Variants in GALNT17 observed in about 807,000 individuals in gnomAD.
GALNT17 encodes UDP-GalNAc:polypeptide N-acetylgalactosaminyltransferase-like 3.
GALNT17 carries 29 observed loss-of-function variants against 63.7 expected under a neutral mutation model. The observed-to-expected ratio is 0.46, with a 90% confidence interval of 0.34 to 0.62. The LOEUF (loss-of-function observed/expected upper bound fraction) is 0.62, where lower values mean the gene tolerates loss of function less well. Among genes scored for constraint, GALNT17 ranks in the 20% least tolerant of loss-of-function variants. The pLI is 0.01. For synonymous variants in GALNT17, 305 were observed against 318.3 expected (o/e 0.96, Z 0.45); for missense variants, 603 against 799.6 (o/e 0.75, Z 2.97).
intron 1 of GALNT17, among the ~76,000 whole-genome samples, chr7:71,302,834 G>A (rs1198734755): frequency 6.6e-6 from 1 of 152,104 alleles, no homozygotes; most frequent in Non-Finnish European, 1.5e-5. Flanking sequence ...TACTATGATA[G>A]CTTCAGTGGA....
chr7:71,606,666 G>T (rs1211443607), intron 6 of GALNT17, among the ~76,000 whole-genome samples: 1 of 152,154 alleles, frequency 6.6e-6, no homozygotes, highest in Admixed American at 6.5e-5. Context: ...GGCCTGTGAT[G>T]AGTGAATATT....
At chr7:71,548,180 T>C (rs991567444) in intron 5 of GALNT17, among the ~76,000 whole-genome samples, 10 of 151,170 alleles carry the variant, frequency 6.6e-5, no homozygotes. Context: ...AGGTAGAGGT[T>C]GCAATGAGCC....
At chr7:71,447,468 C>T (rs1787181153) in intron 5 of GALNT17, among the ~76,000 whole-genome samples, 1 of 151,870 alleles carries the variant, frequency 6.6e-6, no homozygotes, top group African/African-American at 2.4e-5. Context: ...ATAGAATGCT[C>T]AGTTGGTAAG....
At chr7:71,562,497 G>C (rs1188605656) in intron 5 of GALNT17, among the ~76,000 whole-genome samples, 1 of 152,184 alleles carries the variant, frequency 6.6e-6, no homozygotes. Flanking sequence ...GGGGTGATGG[G>C]AGACGGTGAC....
chr7:71,194,225 T>A (rs541203488), intron 1 of GALNT17, among the ~76,000 whole-genome samples: 258 of 152,236 alleles, frequency 1.7e-3, no homozygotes, highest in Admixed American at 4.3e-3. Flanking sequence ...CAAGCAGATA[T>A]GATGTCCATG....
chr7:71,474,505 T>G (rs1278485011), intron 5 of GALNT17, among the ~76,000 whole-genome samples: 2 of 152,128 alleles, frequency 1.3e-5, no homozygotes, highest in African/African-American at 4.8e-5. Flanking sequence ...ATCAGTAAAG[T>G]CTAACATCCA....
At chr7:71,186,009 G>A (rs920024811) in intron 1 of GALNT17, among the ~76,000 whole-genome samples, 2 of 152,092 alleles carry the variant, frequency 1.3e-5, no homozygotes, top group Non-Finnish European at 2.9e-5. Flanking sequence ...ATTCCTTTAT[G>A]CCCTCTGAAT....
At chr7:71,366,266 C>T (rs1250645138) in intron 2 of GALNT17, among the ~76,000 whole-genome samples, 3 of 151,918 alleles carry the variant, frequency 2.0e-5, no homozygotes, top group Non-Finnish European at 2.9e-5. Flanking sequence ...GGGTTGGGGA[C>T]CTGTGATCTA....
At chr7:71,381,742 G>A (rs761399627) in intron 2 of GALNT17, among the ~76,000 whole-genome samples, 12 of 152,128 alleles carry the variant, frequency 7.9e-5, no homozygotes, top group African/African-American at 2.7e-4. Context: ...TCATGCCATG[G>A]CACTCCAGCC....
chr7:71,295,943 A>T (rs1791071884), intron 1 of GALNT17, among the ~76,000 whole-genome samples: 1 of 149,762 alleles, frequency 6.7e-6, no homozygotes, highest in Non-Finnish European at 1.5e-5. Context: ...CCAGCCTGTC[A>T]TCTGATTCAC....
chr7:71,582,856 A>T (rs1047208043), intron 6 of GALNT17, among the ~76,000 whole-genome samples: 9 of 152,092 alleles, frequency 5.9e-5, no homozygotes, highest in Non-Finnish European at 1.2e-4. Flanking sequence ...GACTACAAAT[A>T]GGGTGCAGGG....
intron 7 of GALNT17, among the ~76,000 whole-genome samples, chr7:71,667,805 A>AC (rs553529871): frequency 6.7e-6 from 1 of 148,852 alleles, no homozygotes; most frequent in African/African-American, 2.5e-5. Flanking sequence ...ATAAAGGGGA[A>AC]TTTTTTTTTT....
intron 5 of GALNT17, among the ~76,000 whole-genome samples, chr7:71,473,092 G>A (rs1787662249): frequency 6.6e-6 from 1 of 152,162 alleles, no homozygotes; most frequent in Non-Finnish European, 1.5e-5. Context: ...AGTTGGGGCT[G>A]GTATGAGGCC....
intron 2 of GALNT17, among the ~76,000 whole-genome samples, chr7:71,340,709 T>C (rs1791992322): frequency 6.6e-6 from 1 of 152,134 alleles, no homozygotes; most frequent in Non-Finnish European, 1.5e-5. Flanking sequence ...TTGTTTTGTT[T>C]ATAAACCAAG....
At chr7:71,548,621 T>C (rs1268114212) in intron 5 of GALNT17, among the ~76,000 whole-genome samples, 1 of 152,200 alleles carries the variant, frequency 6.6e-6, no homozygotes, top group Non-Finnish European at 1.5e-5. Flanking sequence ...ATGTAAGACA[T>C]GTCTTTGCTC....
At chr7:71,283,921 A>G (rs895958145) in intron 1 of GALNT17, 34 of 152,218 alleles carry the variant, frequency 2.2e-4, no homozygotes, top group African/African-American at 8.2e-4. Flanking sequence ...CGCACCATTC[A>G]GCACTCTGTA....
Position 71,516,999 on chromosome 7 carries a change from A to G in GALNT17, c.963-54286A>G, listed in dbSNP as rs115336038. ...TCTTCCTGGCCAACATTTATATTCTATTTCTTGTCGCCATTGCTCAGAGCT... is the reference window on the plus strand; with the variant it reads ...TCTTCCTGGCCAACATTTATATTCTGTTTCTTGTCGCCATTGCTCAGAGCT... On this transcript the variant is annotated intron_variant, in intron 5 of 10. Transcript: ENST00000333538. 5.0e-3 allele frequency among the ~76,000 whole-genome samples: 757 copies of G among 152,102 alleles called. 13 individuals carry two copies. The highest frequency in any genetic ancestry group is 0.017 in the African/African-American group (725 of 41,482).
At chr7:71,694,411 G>A (rs1791509450) in intron 9 of GALNT17, among the ~76,000 whole-genome samples, 1 of 143,674 alleles carries the variant, frequency 7.0e-6, no homozygotes, top group South Asian at 2.2e-4. Context: ...AGGCTGAAGT[G>A]CAGTTGCACA....
intron 3 of GALNT17, among the ~76,000 whole-genome samples, chr7:71,410,320 A>G (rs1411219736): frequency 2.0e-5 from 3 of 150,642 alleles, no homozygotes; most frequent in South Asian, 4.2e-4. Context: ...ATCTTGGCTC[A>G]CTGCAACCTC....
Sources: allele counts gnomAD v4.1 joint callset (sites outside exome capture counted in the v4.1 genomes callset), GRCh38; gene constraint gnomAD v4.1.1; transcripts MANE v1.5; gene names NCBI Gene and HGNC (gene_info 2026-07-23, HGNC 2026-07-21).